The following TOX variants were observed in gnomAD, a reference collection of about 807,000 sequenced individuals.
TOX encodes thymocyte selection-associated high mobility group box protein TOX.
TOX carries 11 observed loss-of-function variants against 53.7 expected under a neutral mutation model. The observed-to-expected ratio is 0.20, with a 90% CI of 0.13 to 0.34. The LOEUF is 0.34. TOX is among the 10% of genes least tolerant of loss of function. The pLI is 1.00. For synonymous variants in TOX, 225 were observed against 245.3 expected (o/e 0.92, Z 0.77); for missense variants, 570 against 664.6 (o/e 0.86, Z 1.56).
chr8:58,915,203 G>A (rs1394330901), intron 3 of TOX, among the ~76,000 whole-genome samples: 7 of 151,280 alleles, frequency 4.6e-5, no homozygotes, highest in Non-Finnish European at 1.0e-4. Context: ...GCCCACCACA[G>A]CTCAAGGAGG....
intron 1 of TOX, among the ~76,000 whole-genome samples, chr8:58,970,076 C>A (rs1397104837): frequency 1.3e-5 from 2 of 152,180 alleles, no homozygotes; most frequent in African/African-American, 2.4e-5. Context: ...ATCATTCATT[C>A]ATTCAACAAA....
chr8:59,034,878 G>A (rs1442574694), intron 1 of TOX, among the ~76,000 whole-genome samples: 1 of 152,200 alleles, frequency 6.6e-6, no homozygotes, highest in Non-Finnish European at 1.5e-5. Context: ...GTAGGAATGA[G>A]TATCATCCCC....
At chr8:59,086,135 G>C (rs974056498) in intron 1 of TOX, among the ~76,000 whole-genome samples, 2 of 151,696 alleles carry the variant, frequency 1.3e-5, no homozygotes, top group Non-Finnish European at 2.9e-5. Flanking sequence ...ACGGGTGTGC[G>C]CCACCATGTC....
chr8:58,829,769 T>C lies in TOX; in HGVS notation c.925-2867A>G, dbSNP rs1374480737. On this transcript the variant is annotated intron_variant, in intron 5 of 8. Transcript: ENST00000361421. ...AATGTCTGAAGAAAGGCCTCAACTATGAATGAATGATAATGATATATAAAA... is the reference window on the plus strand; with the variant it reads ...AATGTCTGAAGAAAGGCCTCAACTACGAATGAATGATAATGATATATAAAA... Among the ~76,000 whole-genome samples, 4 of 152,064 alleles carry C rather than the reference T, an allele frequency of 2.6e-5. No individual in the cohort carries two copies. In the East Asian group the frequency reaches 7.7e-4, roughly 29 times the overall value.
chr8:58,869,514 A>G (rs1811163019), intron 3 of TOX, among the ~76,000 whole-genome samples: 1 of 152,124 alleles, frequency 6.6e-6, no homozygotes, highest in African/African-American at 2.4e-5. Flanking sequence ...AAACAGACGA[A>G]AGACTTCATA....
At chr8:58,855,493 G>C (rs572931630) in intron 3 of TOX, among the ~76,000 whole-genome samples, 5 of 152,072 alleles carry the variant, frequency 3.3e-5, no homozygotes, top group South Asian at 2.1e-4. Flanking sequence ...CCAAACTCTT[G>C]TGAGTTCTGT....
At chr8:59,111,547 C>G (rs553719872) in intron 1 of TOX, among the ~76,000 whole-genome samples, 2 of 152,038 alleles carry the variant, frequency 1.3e-5, no homozygotes, top group African/African-American at 4.8e-5. Flanking sequence ...CACACACACA[C>G]ATGCAAATAC....
intron 3 of TOX, among the ~76,000 whole-genome samples, chr8:58,929,733 T>C (rs1238034073): frequency 5.9e-5 from 9 of 152,144 alleles, no homozygotes; most frequent in Non-Finnish European, 1.3e-4. Flanking sequence ...GTCAAAGACA[T>C]GGCAAGCTGA....
In TOX at chr8:59,031,009, T is replaced by C. The variant is rs1011918038; in HGVS notation, c.103-71001A>G. ...ATCAATACAATTATCAACTAAGATG[T>C]ATTTGCCATATGCAGAGAAAAAATT... On this transcript the variant is annotated intron_variant, in intron 1 of 8. Transcript: ENST00000361421. Among the ~76,000 whole-genome samples the C allele has an allele frequency of 2.4e-4, 36 of 152,180 alleles. 1 individual carries two copies. The highest frequency in any genetic ancestry group is 8.8e-5 in the Non-Finnish European group (6 of 68,034).
intron 1 of TOX, among the ~76,000 whole-genome samples, chr8:59,008,599 C>G (rs1301475508): frequency 6.6e-6 from 1 of 152,136 alleles, no homozygotes; most frequent in Non-Finnish European, 1.5e-5. Flanking sequence ...CCCATGACTC[C>G]CCCCATGAGT....
In TOX at chr8:58,877,344, T is replaced by C. The variant is rs76522251; in HGVS notation, c.412-25539A>G. On this transcript the variant is annotated intron_variant, in intron 3 of 8. Transcript: ENST00000361421. Reference sequence around the variant, plus strand: ...AGCTATGGAACAGTGACATGCACTTTACCATAATAAACGCATCAGACAAGA... The same window carrying C: ...AGCTATGGAACAGTGACATGCACTTCACCATAATAAACGCATCAGACAAGA... Among the ~76,000 whole-genome samples the C allele has an allele frequency of 1.9e-3, 296 of 152,326 alleles. 2 individuals carry two copies. The highest frequency in any genetic ancestry group is 6.5e-3 in the African/African-American group (271 of 41,566).
chr8:58,937,466 G>A (rs1241539107), intron 3 of TOX, among the ~76,000 whole-genome samples: 1 of 152,174 alleles, frequency 6.6e-6, no homozygotes, highest in Admixed American at 6.5e-5. Context: ...TTGTGGCTGT[G>A]ACTGAGTCCA....
At chr8:58,969,009 AAGGTAC>A (rs1284794929) in intron 1 of TOX, among the ~76,000 whole-genome samples, 1 of 152,180 alleles carries the variant, frequency 6.6e-6, no homozygotes, top group East Asian at 1.9e-4. Context: ...TACAAATAAG[AAGGTAC>A]AGGTTATTAA....
intron 3 of TOX, among the ~76,000 whole-genome samples, chr8:58,887,251 C>T (rs1811484107): frequency 1.3e-5 from 2 of 151,628 alleles, no homozygotes; most frequent in South Asian, 4.2e-4. Context: ...ATTAGTGAGC[C>T]TGTTCTTTAG....
At chr8:58,865,783 T>A (rs1249669585) in intron 3 of TOX, among the ~76,000 whole-genome samples, 2 of 152,020 alleles carry the variant, frequency 1.3e-5, no homozygotes, top group African/African-American at 2.4e-5. Flanking sequence ...ATATTCATTT[T>A]GTCATTTCAC....
At chr8:59,027,414 G>A (rs1421696872) in intron 1 of TOX, among the ~76,000 whole-genome samples, 1 of 151,200 alleles carries the variant, frequency 6.6e-6, no homozygotes, top group African/African-American at 2.4e-5. Flanking sequence ...TTCTGTGTTA[G>A]TCACATGAAA....
At chr8:59,112,609 G>C (rs984711531) in intron 1 of TOX, among the ~76,000 whole-genome samples, 2 of 152,154 alleles carry the variant, frequency 1.3e-5, no homozygotes, top group African/African-American at 4.8e-5. Flanking sequence ...CAATAACTCT[G>C]AGGTGGAAGT....
intron 1 of TOX, among the ~76,000 whole-genome samples, chr8:59,006,139 CAAAT>C (rs1813788803): frequency 6.6e-6 from 1 of 152,166 alleles, no homozygotes; most frequent in South Asian, 2.1e-4. Context: ...TGTCAGAAAA[CAAAT>C]ATTCTCTGAA....
chr8:58,841,141 C>T (rs981660955), intron 4 of TOX, among the ~76,000 whole-genome samples: 2 of 152,206 alleles, frequency 1.3e-5, no homozygotes, highest in African/African-American at 4.8e-5. Flanking sequence ...GTTTTGCACA[C>T]ACAGAAACAA....
Sources: gnomAD v4.1 joint callset for allele counts (sites outside exome capture counted in the v4.1 genomes callset) on GRCh38, gnomAD v4.1.1 for gene constraint, MANE v1.5 for transcripts, NCBI Gene and HGNC (gene_info 2026-07-23, HGNC 2026-07-21) for gene names.